Variants in KCNQ5 observed in about 807,000 individuals in gnomAD.
The protein encoded by KCNQ5 is potassium voltage-gated channel subfamily KQT member 5.
A neutral mutation model predicts 98.2 loss-of-function variants in KCNQ5; 30 were observed. The ratio of observed to expected loss-of-function variants is 0.31; its 90% CI spans 0.23 to 0.41. The LOEUF (loss-of-function observed/expected upper bound fraction) is 0.41, where lower values mean the gene tolerates loss of function less well. Among genes scored for constraint, KCNQ5 ranks in the 10% least tolerant of loss-of-function variants. KCNQ5 has a pLI of 1.00. For missense variants in KCNQ5, 835 were observed against 1,182.5 expected, an observed-to-expected ratio of 0.71 and a Z score of 4.31; for synonymous variants, 458 against 449.4, an observed-to-expected ratio of 1.02 and a Z score of -0.24.
intron 1 of KCNQ5, among the ~76,000 whole-genome samples, chr6:72,734,519 G>A (rs979463959): frequency 3.3e-5 from 5 of 151,854 alleles, no homozygotes; most frequent in Admixed American, 6.6e-5. Context: ...ACGGGGTTTC[G>A]ACTAGTATTT....
At chr6:73,085,741 C>A (rs1773963100) in intron 5 of KCNQ5, among the ~76,000 whole-genome samples, 2 of 152,212 alleles carry the variant, frequency 1.3e-5, no homozygotes, top group South Asian at 4.1e-4. Context: ...GCACTCTTTT[C>A]TACTCAGGAT....
chr6:72,658,151 A>G (rs1339037551), intron 1 of KCNQ5, among the ~76,000 whole-genome samples: 3 of 152,260 alleles, frequency 2.0e-5, no homozygotes, highest in African/African-American at 7.2e-5. Flanking sequence ...CTGTTTTGAG[A>G]GAATAAATGC....
intron 8 of KCNQ5, among the ~76,000 whole-genome samples, chr6:73,122,876 CA>C (rs775563334): frequency 1.3e-5 from 2 of 152,154 alleles, no homozygotes; most frequent in African/African-American, 2.4e-5. Context: ...AATCAAGTGA[CA>C]ATAATTTTCA....
intron 3 of KCNQ5, among the ~76,000 whole-genome samples, chr6:73,061,721 A>C (rs1772791063): frequency 6.6e-6 from 1 of 152,170 alleles, no homozygotes. Context: ...TAAACTTAGA[A>C]TTTTAGTTGT....
intron 1 of KCNQ5, among the ~76,000 whole-genome samples, chr6:72,884,262 G>A (rs1778765194): frequency 6.6e-6 from 1 of 152,114 alleles, no homozygotes; most frequent in Admixed American, 6.5e-5. Context: ...ACTTTTCACA[G>A]CTCATGCTAT....
intron 1 of KCNQ5, among the ~76,000 whole-genome samples, chr6:72,849,917 A>C (rs376464273): frequency 6.6e-6 from 1 of 152,228 alleles, no homozygotes; most frequent in Admixed American, 6.6e-5. Context: ...TATAATACAC[A>C]CCCCAAAATA....
chr6:72,697,190 C>T lies in KCNQ5; in HGVS notation c.398+74603C>T, dbSNP rs537721567. On this transcript the variant is annotated intron_variant, in intron 1 of 13. Coordinates refer to ENST00000370398, the MANE Select transcript of KCNQ5 (RefSeq NM_019842.4). ...ATTGAGCGATCTTTTCCCTGTGAAA[C>T]GGTACTTCAGTGAGGATTGATTTTG... 1.1e-3 allele frequency among the ~76,000 whole-genome samples: 168 copies of T among 152,254 alleles called. 9 individuals carry two copies. Among genetic ancestry groups the T allele is most frequent in the African/African-American group, 6.5e-4 (27 of 41,554 alleles).
At chr6:72,940,602 G>C (rs887941396) in intron 1 of KCNQ5, among the ~76,000 whole-genome samples, 1 of 152,176 alleles carries the variant, frequency 6.6e-6, no homozygotes, top group Non-Finnish European at 1.5e-5. Context: ...GCTTTAATGT[G>C]TATGTCCTAG....
At chr6:72,698,772 A>G (rs556939852) in intron 1 of KCNQ5, among the ~76,000 whole-genome samples, 1 of 147,854 alleles carries the variant, frequency 6.8e-6, no homozygotes, top group Non-Finnish European at 1.5e-5. Flanking sequence ...CTCCTGTCTC[A>G]GCATCCTGAG....
chr6:72,668,343 A>G (rs918515412), intron 1 of KCNQ5, among the ~76,000 whole-genome samples: 1 of 152,190 alleles, frequency 6.6e-6, no homozygotes, highest in African/African-American at 2.4e-5. Flanking sequence ...GGATACAATG[A>G]TGAGAAAACG....
intron 1 of KCNQ5, among the ~76,000 whole-genome samples, chr6:72,925,935 G>A (rs1765400172): frequency 6.6e-6 from 1 of 152,194 alleles, no homozygotes. Flanking sequence ...AGCTACAGAA[G>A]AGTTTTACAC....
intron 5 of KCNQ5, among the ~76,000 whole-genome samples, chr6:73,099,754 T>G (rs1375564911): frequency 6.6e-6 from 1 of 152,180 alleles, no homozygotes; most frequent in Non-Finnish European, 1.5e-5. Context: ...CACCCAACTT[T>G]CAGCATTGGA....
chr6:72,965,424 T>C (rs918993937), intron 1 of KCNQ5, among the ~76,000 whole-genome samples: 1 of 152,336 alleles, frequency 6.6e-6, no homozygotes, highest in Admixed American at 6.5e-5. Context: ...TGGCTTGGTA[T>C]TTACTAATTC....
intron 1 of KCNQ5, among the ~76,000 whole-genome samples, chr6:72,894,076 G>A (rs1453548519): frequency 6.6e-6 from 1 of 151,910 alleles, no homozygotes; most frequent in Non-Finnish European, 1.5e-5. Flanking sequence ...TAGACTTCAG[G>A]ATAACTAAAA....
At chr6:73,183,864 A>C (rs904268372) in intron 11 of KCNQ5, among the ~76,000 whole-genome samples, 3 of 152,198 alleles carry the variant, frequency 2.0e-5, no homozygotes, top group African/African-American at 7.2e-5. Context: ...CCCAGAGAGC[A>C]TCCCTCACAC....
chr6:72,713,911 C>T (rs775938119), intron 1 of KCNQ5, among the ~76,000 whole-genome samples: 3 of 152,180 alleles, frequency 2.0e-5, no homozygotes, highest in Non-Finnish European at 4.4e-5. Context: ...CTACCTGGAT[C>T]CTGTGTTGTG....
intron 11 of KCNQ5, among the ~76,000 whole-genome samples, chr6:73,175,612 C>T (rs1035204671): frequency 1.3e-5 from 2 of 152,238 alleles, no homozygotes; most frequent in African/African-American, 4.8e-5. Flanking sequence ...CCTCTCCCTC[C>T]CTGACCCTTG....
chr6:73,037,613 C>A (rs1166855452), intron 2 of KCNQ5, among the ~76,000 whole-genome samples: 1 of 152,062 alleles, frequency 6.6e-6, no homozygotes, highest in African/African-American at 2.4e-5. Flanking sequence ...TTGTTGAGGG[C>A]CCTTCTTCCT....
intron 1 of KCNQ5, among the ~76,000 whole-genome samples, chr6:72,666,586 A>C (rs1466847677): frequency 6.6e-6 from 1 of 152,168 alleles, no homozygotes; most frequent in African/African-American, 2.4e-5. Context: ...ATGTATTGAA[A>C]TTATACCTAA....
Sources: allele counts gnomAD v4.1 joint callset (sites outside exome capture counted in the v4.1 genomes callset), GRCh38; gene constraint gnomAD v4.1.1; transcripts MANE v1.5; gene names NCBI Gene and HGNC (gene_info 2026-07-23, HGNC 2026-07-21).